The following TRIM67 variants were observed in gnomAD, a reference collection of about 807,000 sequenced individuals.
The protein encoded by TRIM67 is tripartite motif-containing protein 67.
TRIM67 carries 39 observed loss-of-function variants against 71.0 expected under a neutral mutation model. The observed-to-expected ratio is 0.55, with a 90% CI of 0.43 to 0.72. The LOEUF (loss-of-function observed/expected upper bound fraction) is 0.72. Among genes scored for constraint, TRIM67 ranks in the 30% least tolerant of loss-of-function variants. TRIM67 has a pLI of 0.00. For missense variants in TRIM67, 973 were observed against 1,079.2 expected (o/e 0.90, Z 1.38); for synonymous variants, 481 against 473.9 (o/e 1.01, Z -0.19).
At chr1:231,164,155 A>G in intron 1 of TRIM67, 142 bp downstream of exon 1, 1 of 1,107,702 alleles carries the variant, frequency 9.0e-7, no homozygotes, top group Non-Finnish European at 1.2e-6. Flanking sequence ...CATTCATTCC[A>G]TCAGATAGTC....
intron 5 of TRIM67, among the ~76,000 whole-genome samples, chr1:231,201,946 C>T (rs1683536955): frequency 5.7e-5 from 2 of 35,030 alleles, no homozygotes; most frequent in East Asian, 8.4e-4. Flanking sequence ...GTGGCAGGTG[C>T]TATGAAGAGG....
chr1:231,203,632 C>A (rs544229319), intron 5 of TRIM67, among the ~76,000 whole-genome samples: 2 of 152,292 alleles, frequency 1.3e-5, no homozygotes, highest in South Asian at 4.1e-4. Flanking sequence ...CCCTGAGATT[C>A]CAGGAAGGAC....
At chr1:231,197,010 C>T (rs1571891155) in intron 1 of TRIM67, among the ~76,000 whole-genome samples, 1 of 152,312 alleles carries the variant, frequency 6.6e-6, no homozygotes, top group South Asian at 2.1e-4. Context: ...TCCATACAGG[C>T]ATGTACTGAT....
intron 3 of TRIM67, among the ~76,000 whole-genome samples, chr1:231,199,566 T>TGTTCCCACCAAGGGA (rs1683464281): frequency 3.3e-5 from 5 of 152,250 alleles, no homozygotes; most frequent in African/African-American, 9.6e-5. Flanking sequence ...AGCAATAACA[T>TGTTCCCACCAAGGGA]ACACAGCCAG....
At chr1:231,190,248 G>A (rs1400125114) in intron 1 of TRIM67, among the ~76,000 whole-genome samples, 1 of 152,158 alleles carries the variant, frequency 6.6e-6, no homozygotes, top group Non-Finnish European at 1.5e-5. Context: ...ACAGAGTCGT[G>A]GCAGCAGGCT....
Position 231,219,559 on chromosome 1 carries a change from G to T in TRIM67, c.*4119G>T. The T allele has an allele frequency of 9.1e-7, 1 of 1,103,032 alleles. No individual in the cohort carries two copies. Among genetic ancestry groups the T allele is most frequent in the Non-Finnish European group, 1.1e-6 (1 of 899,606 alleles). 68.3% of individuals were successfully genotyped at this position (1,103,032 alleles called of 1,614,324 possible). On this transcript the variant is annotated 3_prime_UTR_variant, in exon 10 of 10. Transcript: ENST00000366653. ...CCTCCAACAGATGCCAACCTGTTGGGTCTTGAATTTTCACTCACTGAAGAT... is the reference window on the plus strand; with the variant it reads ...CCTCCAACAGATGCCAACCTGTTGGTTCTTGAATTTTCACTCACTGAAGAT...
chr1:231,166,748 G>A (rs1019506327), intron 1 of TRIM67, among the ~76,000 whole-genome samples: 4 of 152,190 alleles, frequency 2.6e-5, no homozygotes, highest in African/African-American at 9.7e-5. Flanking sequence ...ATGTGACACT[G>A]AAATCTATTT....
chr1:231,209,039 C>T lies in TRIM67; in HGVS notation c.1912C>T (p.Arg638Trp), dbSNP rs934703590. 6.2e-7 allele frequency: 1 copy of T among 1,613,588 alleles called. No individual in the cohort carries two copies. Among genetic ancestry groups the T allele is most frequent in the South Asian group, 1.1e-5 (1 of 91,056 alleles). The change falls in exon 8 of 10, where the codon CGG becomes TGG. Residue 638 changes from arginine to tryptophan, a missense_variant. Around this residue, in one of 2 missense-constraint regions of TRIM67, gnomAD observed 178 missense variants for 247.9 expected, o/e 0.72. Transcript: ENST00000366653. This position sits in a 1 kb window ranked among gnomAD's most constrained non-coding sequence, Gnocchi z 4.1. ...QTATCSSYDD[R>W]VVLGTAAFSK... ...AGCCACCTGCAGCAGCTATGACGAC[C>T]GGGTGGTGCTGGGCACAGCTGCGTT...
chr1:231,197,325 C>T, intron 1 of TRIM67, 46 bp from the exon 2 acceptor site: 1 of 1,563,186 alleles, frequency 6.4e-7, no homozygotes, highest in Non-Finnish European at 8.8e-7. Flanking sequence ...ATTTTCTGTG[C>T]CTTTCACAAC....
chr1:231,197,313 A>T (rs1683391111), intron 1 of TRIM67, 58 bp from the exon 2 acceptor site: 1 of 1,507,728 alleles, frequency 6.6e-7, no homozygotes, highest in African/African-American at 1.4e-5. Flanking sequence ...GATGAAGTGC[A>T]AATTTTCTGT....
chr1:231,205,441 G>T (rs752910559), intron 6 of TRIM67, among the ~76,000 whole-genome samples: 7 of 152,132 alleles, frequency 4.6e-5, no homozygotes, highest in Non-Finnish European at 7.4e-5. Flanking sequence ...AAGTATCTTT[G>T]GGGGCCAGGC....
In TRIM67 at chr1:231,202,662, G is replaced by A. The variant is rs577609079; in HGVS notation, c.1534+1145G>A. ...CTGTGAACTCAGGAAGTCCTTACCT[G>A]CATAATTTGTGGCCATTTTAAACTA... On this transcript the variant is annotated intron_variant, in intron 5 of 9. Coordinates refer to ENST00000366653, the MANE Select transcript of TRIM67 (RefSeq NM_001004342.5). Among the ~76,000 whole-genome samples the A allele has an allele frequency of 3.3e-5, 5 of 152,254 alleles. No homozygotes were observed. In the East Asian group the frequency reaches 7.7e-4, roughly 24 times the overall value.
At position 231,218,591 on chromosome 1, in the gene TRIM67, C is replaced by T; in HGVS notation, c.*3151C>T. On this transcript the variant is annotated 3_prime_UTR_variant, in exon 10 of 10. Coordinates refer to ENST00000366653, the MANE Select transcript of TRIM67 (RefSeq NM_001004342.5). ...GGTATTTCCCCAAAGCCTGCTTTTCCTCTCTCTGTTCTCCTTGGGAAAATA... is the reference window on the plus strand; with the variant it reads ...GGTATTTCCCCAAAGCCTGCTTTTCTTCTCTCTGTTCTCCTTGGGAAAATA... 1 of 985,476 alleles carries T rather than the reference C, an allele frequency of 1.0e-6. No individual in the cohort carries two copies. The highest frequency in any genetic ancestry group is 1.2e-6 in the Non-Finnish European group (1 of 829,956). 61.0% of individuals were successfully genotyped at this position (985,476 alleles called of 1,614,324 possible).
chr1:231,172,565 G>A (rs1451278837), intron 1 of TRIM67, among the ~76,000 whole-genome samples: 1 of 152,172 alleles, frequency 6.6e-6, no homozygotes, highest in African/African-American at 2.4e-5. Flanking sequence ...GGAACCAGGA[G>A]TGTGGATGAG....
intron 3 of TRIM67, among the ~76,000 whole-genome samples, 170 bp downstream of exon 3, chr1:231,199,339 T>C (rs1306333031): frequency 1.3e-5 from 2 of 152,218 alleles, no homozygotes; most frequent in East Asian, 1.9e-4. Flanking sequence ...GTTACATTCA[T>C]GTGACCTGAC....
chr1:231,191,344 C>T (rs866677902), intron 1 of TRIM67, among the ~76,000 whole-genome samples: 7 of 152,170 alleles, frequency 4.6e-5, no homozygotes, highest in Admixed American at 3.9e-4. Context: ...GGTTTACAGG[C>T]GTGAGCCACC....
At chr1:231,210,503 G>A (rs111967537) in intron 8 of TRIM67, among the ~76,000 whole-genome samples, 30 of 151,266 alleles carry the variant, frequency 2.0e-4, no homozygotes, top group African/African-American at 6.6e-4. Flanking sequence ...GCCTCTGCCC[G>A]GACACTGCAG....
intron 1 of TRIM67, among the ~76,000 whole-genome samples, chr1:231,196,805 C>T (rs1307916140): frequency 6.6e-6 from 1 of 152,164 alleles, no homozygotes; most frequent in Non-Finnish European, 1.5e-5. Context: ...GCTAAGGGTA[C>T]CAGGCTAGGA....
At position 231,219,597 on chromosome 1, in the gene TRIM67, C is replaced by T. The variant is rs1396887270; in HGVS notation, c.*4157C>T. ...ACTCACTGAAGATGCCCCCTGCCCGCTCCCCACTTCCTAGAAAGCAAAACT... is the reference window on the plus strand; with the variant it reads ...ACTCACTGAAGATGCCCCCTGCCCGTTCCCCACTTCCTAGAAAGCAAAACT... On this transcript the variant is annotated 3_prime_UTR_variant, in exon 10 of 10. Transcript: ENST00000366653. 4.4e-6 allele frequency: 5 copies of T among 1,130,302 alleles called. No individual in the cohort carries two copies. The African/African-American group carries it at 8.3e-5, about 19-fold the overall frequency. The allele number at this position is 1,130,302 out of a possible 1,614,324, so 70.0% of individuals were successfully genotyped here.
Sources: gnomAD v4.1 joint callset for allele counts (sites outside exome capture counted in the v4.1 genomes callset) on GRCh38, gnomAD v4.1.1 for gene constraint, gnomAD v4.1.1 regional missense constraint, Gnocchi (gnomAD v3.1) non-coding constraint, MANE v1.5 for transcripts, NCBI Gene and HGNC (gene_info 2026-07-23, HGNC 2026-07-21) for gene names.